SLC25A48: variants seen among roughly 807,000 people sequenced by gnomAD.
The protein encoded by SLC25A48 is solute carrier family 25 member 48, also known as CTC-321K16.1.
SLC25A48 carries 29 observed loss-of-function variants against 32.2 expected under a neutral mutation model. The observed-to-expected ratio is 0.90, with a 90% CI of 0.67 to 1.23. SLC25A48 has a LOEUF of 1.23. SLC25A48 is among the 50% of genes most tolerant of loss of function. The pLI is 0.00. For synonymous variants in SLC25A48, 164 were observed against 172.3 expected (o/e 0.95, Z 0.38); for missense variants, 399 against 422.7 (o/e 0.94, Z 0.49).
chr5:135,583,663 G>A (rs557762111), intron 1 of SLC25A48, among the ~76,000 whole-genome samples: 1 of 151,650 alleles, frequency 6.6e-6, no homozygotes, highest in South Asian at 2.1e-4. Context: ...TCTGTGTCCT[G>A]TACCTAGCTA....
At chr5:135,659,027 G>T (rs1162268065) in intron 3 of SLC25A48, among the ~76,000 whole-genome samples, 1 of 152,200 alleles carries the variant, frequency 6.6e-6, no homozygotes, top group Non-Finnish European at 1.5e-5. Flanking sequence ...TTTCCCTATT[G>T]TCTTGGCTAT....
intron 7 of SLC25A48, among the ~76,000 whole-genome samples, chr5:135,885,466 GC>G (rs1435372804): frequency 1.3e-5 from 2 of 152,134 alleles, no homozygotes. Context: ...CAGCTCAGAT[GC>G]TTTAAGCCCT....
intron 3 of SLC25A48, among the ~76,000 whole-genome samples, chr5:135,716,403 G>A (rs745496131): frequency 1.3e-5 from 2 of 152,186 alleles, no homozygotes; most frequent in Non-Finnish European, 2.9e-5. Context: ...GGTAATCTGG[G>A]TTTCAAGAAG....
At chr5:135,881,978 C>T (rs1381554887) in intron 7 of SLC25A48, among the ~76,000 whole-genome samples, 3 of 152,330 alleles carry the variant, frequency 2.0e-5, no homozygotes, top group East Asian at 3.9e-4. Flanking sequence ...CCCAACCTGT[C>T]GTACCTGCCA....
chr5:135,612,640 A>C (rs1352551855), intron 1 of SLC25A48, among the ~76,000 whole-genome samples: 1 of 152,140 alleles, frequency 6.6e-6, no homozygotes. Context: ...AACAATGTGA[A>C]ATTTGTCTTT....
chr5:135,849,831 A>T (rs967770150), intron 2 of SLC25A48, among the ~76,000 whole-genome samples: 4 of 152,030 alleles, frequency 2.6e-5, no homozygotes, highest in African/African-American at 9.7e-5. Flanking sequence ...GGGAGAGGAG[A>T]TGGCATGTGG....
chr5:135,679,060 G>A (rs1753833037), intron 3 of SLC25A48, among the ~76,000 whole-genome samples: 2 of 152,200 alleles, frequency 1.3e-5, no homozygotes, highest in African/African-American at 4.8e-5. Flanking sequence ...GGGCTGGGTA[G>A]GCAGGTGGGT....
In SLC25A48 at chr5:135,630,588, C is replaced by CTTTTTTTTT. The variant is rs869088370; in HGVS notation, c.-709+1237_-709+1245dup. 5.3e-4 allele frequency among the ~76,000 whole-genome samples: 31 copies of CTTTTTTTTT among 58,952 alleles called. 4 individuals are homozygous for CTTTTTTTTT. Among genetic ancestry groups the CTTTTTTTTT allele is most frequent in the African/African-American group, 6.7e-4 (11 of 16,388 alleles). The allele number at this position is 58,952 out of a possible 152,430, so 38.7% of individuals were successfully genotyped here. A position where few individuals can be genotyped will look rare whatever the true frequency, so the allele number is the denominator to read the frequency against. On this transcript the variant is annotated intron_variant, in intron 2 of 10. Coordinates refer to the SLC25A48 transcript ENST00000646290. The stretch of plus-strand genomic sequence containing the variant: ...AGGGGAAGATGGTTAGGCTGGGCAC[C>CTTTTTTTTT]TTTTTTTTTTTTTTTTTTTTTTTTT...
At chr5:135,644,401 G>T (rs185513993) in intron 3 of SLC25A48, among the ~76,000 whole-genome samples, 1 of 152,240 alleles carries the variant, frequency 6.6e-6, no homozygotes, top group African/African-American at 2.4e-5. Context: ...TAATGTTTCT[G>T]ATCTGAGTGC....
chr5:135,870,943 A>T (rs1761585564), intron 4 of SLC25A48, among the ~76,000 whole-genome samples: 1 of 151,592 alleles, frequency 6.6e-6, no homozygotes, highest in Non-Finnish European at 1.5e-5. Context: ...TTTTATGTAT[A>T]ATTTATAAAT....
intron 2 of SLC25A48, among the ~76,000 whole-genome samples, chr5:135,847,001 C>T (rs758390799): frequency 2.0e-5 from 3 of 152,036 alleles, no homozygotes; most frequent in South Asian, 2.1e-4. Context: ...TTTGCAAAAG[C>T]GAAAGAGTCC....
intron 3 of SLC25A48, among the ~76,000 whole-genome samples, chr5:135,773,936 C>G (rs1756481444): frequency 6.6e-6 from 1 of 151,692 alleles, no homozygotes; most frequent in Non-Finnish European, 1.5e-5. Context: ...ATATTACTCC[C>G]AATAACCCAG....
chr5:135,785,214 A>AC (rs1288553504), intron 3 of SLC25A48, among the ~76,000 whole-genome samples: 1 of 151,942 alleles, frequency 6.6e-6, no homozygotes, highest in Non-Finnish European at 1.5e-5. Context: ...CTGTGTGTTC[A>AC]CCCCCCTTGT....
At chr5:135,685,485 T>C (rs894049598) in intron 3 of SLC25A48, among the ~76,000 whole-genome samples, 12 of 150,086 alleles carry the variant, frequency 8.0e-5, no homozygotes, top group African/African-American at 2.9e-4. Flanking sequence ...CAGGCTGTAG[T>C]GCAATGGTGC....
intron 4 of SLC25A48, among the ~76,000 whole-genome samples, chr5:135,866,318 C>G (rs1761201894): frequency 6.6e-6 from 1 of 152,232 alleles, no homozygotes; most frequent in Non-Finnish European, 1.5e-5. Flanking sequence ...CATTGTGTTT[C>G]TGCTGGCCTT....
intron 1 of SLC25A48, among the ~76,000 whole-genome samples, chr5:135,588,458 T>C (rs1751424866): frequency 6.6e-6 from 1 of 152,138 alleles, no homozygotes; most frequent in African/African-American, 2.4e-5. Context: ...TGTGCCGGGG[T>C]TGCAGGGCTG....
chr5:135,585,265 G>A (rs1751337875), intron 1 of SLC25A48, among the ~76,000 whole-genome samples: 1 of 152,214 alleles, frequency 6.6e-6, no homozygotes, highest in African/African-American at 2.4e-5. Context: ...CATGTTTGCA[G>A]CAGAGTCCTA....
intron 3 of SLC25A48, chr5:135,650,558 C>T: frequency 3.9e-6 from 1 of 253,640 alleles, no homozygotes; most frequent in Non-Finnish European, 7.1e-6. Flanking sequence ...TGGAGTGGAA[C>T]TAAAAAAAAA....
chr5:135,616,983 G>C (rs551958746), intron 1 of SLC25A48, among the ~76,000 whole-genome samples: 1 of 151,164 alleles, frequency 6.6e-6, no homozygotes, highest in South Asian at 2.1e-4. Context: ...GAATGAGTTA[G>C]GAAGAATTTC....
Sources: allele counts gnomAD v4.1 joint callset (sites outside exome capture counted in the v4.1 genomes callset), GRCh38; gene constraint gnomAD v4.1.1; transcripts MANE v1.5; gene names NCBI Gene and HGNC (gene_info 2026-07-23, HGNC 2026-07-21).